LMBRD1: variants seen among roughly 807,000 people sequenced by gnomAD.
The protein encoded by LMBRD1 is LMBR1 domain containing 1.
Under a neutral mutation model 74.8 loss-of-function variants are expected in LMBRD1, and 64 were observed. That is an observed-to-expected ratio of 0.86 (90% CI 0.70 to 1.05). The LOEUF is 1.05. LMBRD1 is among the 50% of genes least tolerant of loss of function. The pLI is 0.00. For missense variants in LMBRD1, 652 were observed against 645.9 expected (o/e 1.01, Z -0.10); for synonymous variants, 204 against 216.3 (o/e 0.94, Z 0.50).
intron 3 of LMBRD1, among the ~76,000 whole-genome samples, chr6:69,761,805 C>CCACT (rs1444337410): frequency 6.6e-6 from 1 of 151,846 alleles, no homozygotes; most frequent in African/African-American, 2.4e-5. Context: ...ATCCCCAATC[C>CCACT]CCTAGCTTGA....
chr6:69,700,306 G>T (rs1374221197), intron 12 of LMBRD1, among the ~76,000 whole-genome samples: 1 of 151,768 alleles, frequency 6.6e-6, no homozygotes, highest in East Asian at 1.9e-4. Flanking sequence ...CAATGATATG[G>T]TAATCTTTAC....
At chr6:69,779,134 C>T (rs542994236) in intron 3 of LMBRD1, among the ~76,000 whole-genome samples, 3 of 146,216 alleles carry the variant, frequency 2.1e-5, no homozygotes, top group South Asian at 2.1e-4. Flanking sequence ...TGCAGTGAGC[C>T]GAGACTGTGC....
chr6:69,770,477 T>G (rs1449588156), intron 3 of LMBRD1, among the ~76,000 whole-genome samples: 1 of 152,198 alleles, frequency 6.6e-6, no homozygotes, highest in Non-Finnish European at 1.5e-5. Context: ...TTCATATTTG[T>G]TTTCTGGTGA....
intron 7 of LMBRD1, among the ~76,000 whole-genome samples, chr6:69,732,044 G>A (rs1766869901): frequency 6.6e-6 from 1 of 152,088 alleles, no homozygotes; most frequent in Non-Finnish European, 1.5e-5. Flanking sequence ...AAGTAACGGT[G>A]CACCTTACAA....
At chr6:69,692,164 GGT>G (rs1375066865) in intron 14 of LMBRD1, among the ~76,000 whole-genome samples, 3 of 151,904 alleles carry the variant, frequency 2.0e-5, no homozygotes, top group Non-Finnish European at 4.4e-5. Flanking sequence ...TTGGTACATA[GGT>G]TTCCATTTTA....
At chr6:69,683,253 T>C (rs1454779819) in intron 14 of LMBRD1, among the ~76,000 whole-genome samples, 1 of 152,020 alleles carries the variant, frequency 6.6e-6, no homozygotes, top group Admixed American at 6.6e-5. Context: ...CTAAGCTAGA[T>C]ACCAGCCAAT....
chr6:69,764,061 A>G (rs1025803080), intron 3 of LMBRD1, among the ~76,000 whole-genome samples: 2 of 151,832 alleles, frequency 1.3e-5, no homozygotes, highest in Non-Finnish European at 2.9e-5. Context: ...CAAACTTAAC[A>G]CTCTTGGGGC....
chr6:69,704,906 TG>T (rs1287704274), intron 9 of LMBRD1, among the ~76,000 whole-genome samples: 1 of 112,784 alleles, frequency 8.9e-6, no homozygotes, highest in Non-Finnish European at 1.8e-5. Context: ...ATTGGACATT[TG>T]TTTTTTTTTT....
chr6:69,704,865 T>C (rs1158017760), intron 9 of LMBRD1, among the ~76,000 whole-genome samples: 5 of 151,462 alleles, frequency 3.3e-5, no homozygotes, highest in Admixed American at 3.3e-4. Flanking sequence ...TTCTGTGTGA[T>C]TCCTTTTGTT....
intron 7 of LMBRD1, among the ~76,000 whole-genome samples, chr6:69,721,494 C>T (rs1766613781): frequency 6.6e-6 from 1 of 152,178 alleles, no homozygotes; most frequent in South Asian, 2.1e-4. Context: ...AAAAGTGGAT[C>T]TGCTGCCTTG....
intron 9 of LMBRD1, among the ~76,000 whole-genome samples, chr6:69,711,860 C>A (rs553535478): frequency 6.6e-6 from 1 of 152,062 alleles, no homozygotes; most frequent in African/African-American, 2.4e-5. Context: ...TTTAAGTTCA[C>A]GGGTACAAAT....
At chr6:69,745,499 C>A (rs1156728175) in intron 5 of LMBRD1, among the ~76,000 whole-genome samples, 4 of 151,544 alleles carry the variant, frequency 2.6e-5, no homozygotes, top group Non-Finnish European at 5.9e-5. Context: ...ACCTCATGAT[C>A]CACCCGCCTC....
At chr6:69,706,120 G>A (rs1582069183) in intron 9 of LMBRD1, 1 of 586,974 alleles carries the variant, frequency 1.7e-6, no homozygotes, top group Non-Finnish European at 3.2e-6. Context: ...ATAGTTCCAG[G>A]GCCTCCGGGG....
rs368465228 is a variant in LMBRD1 at position 69,701,968 on chromosome 6, A to C, written c.916-15T>G. On this transcript the variant is annotated splice_polypyrimidine_tract_variant and intron_variant, in intron 9 of 15. Coordinates refer to ENST00000649934, the MANE Select transcript of LMBRD1 (RefSeq NM_018368.4). ...CCCCAGACGATCTAAAAGCAAAAATATATTCATTAAAATATAGTTCTAAAA... is the reference window on the plus strand; with the variant it reads ...CCCCAGACGATCTAAAAGCAAAAATCTATTCATTAAAATATAGTTCTAAAA... 2.7e-6 allele frequency: 4 copies of C among 1,489,620 alleles called. No homozygotes were observed. Among genetic ancestry groups the C allele is most frequent in the Non-Finnish European group, 3.7e-6 (4 of 1,068,144 alleles). 92.3% of individuals were successfully genotyped at this position (1,489,620 alleles called of 1,614,324 possible).
At chr6:69,788,595 T>C (rs1021696301) in intron 2 of LMBRD1, among the ~76,000 whole-genome samples, 7 of 130,286 alleles carry the variant, frequency 5.4e-5, no homozygotes, top group African/African-American at 1.8e-4. Flanking sequence ...AATCAACCAT[T>C]TAATTATCTA....
At chr6:69,760,068 C>T (rs1399749776) in intron 3 of LMBRD1, among the ~76,000 whole-genome samples, 1 of 152,112 alleles carries the variant, frequency 6.6e-6, no homozygotes, top group Admixed American at 6.6e-5. Context: ...TTAGTACAAA[C>T]ACTTAGCAAA....
At chr6:69,771,202 A>T (rs143290416) in intron 3 of LMBRD1, among the ~76,000 whole-genome samples, 2 of 152,280 alleles carry the variant, frequency 1.3e-5, no homozygotes, top group East Asian at 1.9e-4. Context: ...TGCAATCAAG[A>T]TGTTAGCCAA....
chr6:69,752,410 T>C (rs995018314), intron 3 of LMBRD1, 54 bp from the exon 4 acceptor site: 39 of 1,364,842 alleles, frequency 2.9e-5, no homozygotes, highest in Non-Finnish European at 3.7e-5. Flanking sequence ...TACTTAATCA[T>C]GGTTATCTAT....
chr6:69,763,520 C>G (rs1765416226), intron 3 of LMBRD1, among the ~76,000 whole-genome samples: 1 of 152,090 alleles, frequency 6.6e-6, no homozygotes. Flanking sequence ...ACTTGTTTGG[C>G]TATGAAAATG....
Sources: gnomAD v4.1 joint callset for allele counts (sites outside exome capture counted in the v4.1 genomes callset) on GRCh38, gnomAD v4.1.1 for gene constraint, MANE v1.5 for transcripts, NCBI Gene and HGNC (gene_info 2026-07-23, HGNC 2026-07-21) for gene names.